The following PTPRD variants were observed in gnomAD, a reference collection of about 807,000 sequenced individuals.
PTPRD encodes the protein receptor-type tyrosine-protein phosphatase delta.
In PTPRD, 34 loss-of-function variants were observed where a neutral mutation model predicts 214.5. That is an observed-to-expected ratio of 0.16 (90% CI 0.12 to 0.21). The LOEUF (loss-of-function observed/expected upper bound fraction) is 0.21. Among genes scored for constraint, PTPRD ranks in the 10% least tolerant of loss-of-function variants. PTPRD has a pLI of 1.00. For synonymous variants in PTPRD, 1,128 were observed against 845.7 expected, an observed-to-expected ratio of 1.33 and a Z score of -5.79; for missense variants, 2,545 against 2,398.7, an observed-to-expected ratio of 1.06 and a Z score of -1.27.
At chr9:10,140,340 A>G (rs2098975134) in intron 3 of PTPRD, among the ~76,000 whole-genome samples, 1 of 151,868 alleles carries the variant, frequency 6.6e-6, no homozygotes, top group South Asian at 2.1e-4. Context: ...AAAAAAATTG[A>G]TAGACCGCTA....
At chr9:10,232,137 G>C (rs1005562298) in intron 3 of PTPRD, among the ~76,000 whole-genome samples, 12 of 151,586 alleles carry the variant, frequency 7.9e-5, no homozygotes, top group Admixed American at 5.9e-4. Context: ...TAGCACCAAA[G>C]CCCTCACCAG....
At chr9:9,509,241 C>T (rs1253160368) in intron 8 of PTPRD, among the ~76,000 whole-genome samples, 2 of 151,266 alleles carry the variant, frequency 1.3e-5, no homozygotes, top group Non-Finnish European at 3.0e-5. Flanking sequence ...GGAAAAAAAC[C>T]CATGTAATTT....
intron 3 of PTPRD, among the ~76,000 whole-genome samples, chr9:10,208,635 A>G (rs547614582): frequency 6.6e-6 from 1 of 152,326 alleles, no homozygotes; most frequent in East Asian, 1.9e-4. Context: ...ACAACTCTAA[A>G]TCCTTGGGAG....
rs569723867 is a variant in PTPRD at position 8,923,415 on chromosome 9, G to A, written c.-104+95282C>T. Among the ~76,000 whole-genome samples, 5 of 151,628 alleles carry A rather than the reference G, an allele frequency of 3.3e-5. No individual in the cohort carries two copies. In the South Asian group the frequency reaches 1.1e-3, roughly 32 times the overall value. ...GCAATAAAACGAGTCATACCAAAAA[G>A]CTACATTCCTGTCTCCTAAGCCCCA... is the stretch of plus-strand genomic sequence containing the variant. On this transcript the variant is annotated intron_variant, in intron 11 of 45. Transcript: ENST00000381196.
chr9:10,127,399 A>G (rs1026646964), intron 3 of PTPRD, among the ~76,000 whole-genome samples: 2 of 152,218 alleles, frequency 1.3e-5, no homozygotes, highest in African/African-American at 4.8e-5. Flanking sequence ...AATTGAATTA[A>G]TATTCTTTAG....
intron 10 of PTPRD, among the ~76,000 whole-genome samples, chr9:9,158,888 G>T (rs1167815391): frequency 6.6e-6 from 1 of 152,074 alleles, no homozygotes; most frequent in Admixed American, 6.6e-5. Flanking sequence ...TCCTTGGGAC[G>T]CAAGTATGGT....
intron 14 of PTPRD, among the ~76,000 whole-genome samples, chr9:8,548,676 A>ATTTTTTTT (rs71317369): frequency 2.4e-5 from 1 of 41,080 alleles, no homozygotes; most frequent in Non-Finnish European, 4.4e-5. Context: ...CTGGAGCTGG[A>ATTTTTTTT]TTTTTTTTTT....
chr9:10,352,965 T>C (rs1018158145), intron 2 of PTPRD, among the ~76,000 whole-genome samples: 4 of 151,950 alleles, frequency 2.6e-5, no homozygotes, highest in Non-Finnish European at 5.9e-5. Flanking sequence ...TCAACAGTTT[T>C]TGGTTGAGTG....
Position 9,466,621 on chromosome 9 carries a change from G to C in PTPRD, c.-236-69139C>G, listed in dbSNP as rs140527403. Among the ~76,000 whole-genome samples, 733 of 152,218 alleles carry C rather than the reference G, an allele frequency of 4.8e-3. 3 individuals are homozygous for C. Among genetic ancestry groups the C allele is most frequent in the Non-Finnish European group, 8.2e-3 (560 of 67,998 alleles). On this transcript the variant is annotated intron_variant, in intron 8 of 45. Transcript: ENST00000381196. Reference sequence around the variant, plus strand: ...GACCAAGCCTTCCCCATTTCTCCTTGAATGTGTTTAGTAAGACTTAGGGAT... The same window carrying C: ...GACCAAGCCTTCCCCATTTCTCCTTCAATGTGTTTAGTAAGACTTAGGGAT...
At chr9:10,133,898 T>C (rs2098922199) in intron 3 of PTPRD, among the ~76,000 whole-genome samples, 2 of 152,202 alleles carry the variant, frequency 1.3e-5, no homozygotes, top group Non-Finnish European at 2.9e-5. Flanking sequence ...TGAGTTTAAC[T>C]ACTTTTTTCA....
chr9:9,163,559 TC>T (rs1022944608), intron 10 of PTPRD, among the ~76,000 whole-genome samples: 6 of 152,086 alleles, frequency 3.9e-5, no homozygotes, highest in Non-Finnish European at 7.4e-5. Context: ...TGCCATCTCT[TC>T]CTAATTGGCC....
chr9:8,928,061 C>T (rs751303899), intron 11 of PTPRD, among the ~76,000 whole-genome samples: 10 of 151,878 alleles, frequency 6.6e-5, no homozygotes, highest in Non-Finnish European at 1.5e-4. Context: ...TTGTCTTTTC[C>T]TTGTAAATTT....
At chr9:8,489,863 A>G (rs1368579668) in intron 27 of PTPRD, among the ~76,000 whole-genome samples, 1 of 152,204 alleles carries the variant, frequency 6.6e-6, no homozygotes, top group African/African-American at 2.4e-5. Flanking sequence ...TTTACCAACA[A>G]TTCACTTTGT....
At chr9:9,487,417 T>G (rs1301296565) in intron 8 of PTPRD, among the ~76,000 whole-genome samples, 2 of 152,166 alleles carry the variant, frequency 1.3e-5, no homozygotes, top group African/African-American at 4.8e-5. Flanking sequence ...TGCATAGTAT[T>G]CCATGGTGTA....
At chr9:9,475,669 T>C (rs768724759) in intron 8 of PTPRD, among the ~76,000 whole-genome samples, 16 of 152,208 alleles carry the variant, frequency 1.1e-4, no homozygotes, top group Non-Finnish European at 2.2e-4. Flanking sequence ...ACTACAGATG[T>C]CCCTGACTAG....
rs776962647 is a variant in PTPRD at position 8,518,191 on chromosome 9, C to A, written c.1200G>T (p.Gly400=). The A allele has an allele frequency of 6.2e-7, 1 of 1,614,130 alleles. No homozygotes were observed. Among genetic ancestry groups the A allele is most frequent in the Non-Finnish European group, 8.5e-7 (1 of 1,180,010 alleles). Residue 400 remains glycine, a synonymous_variant, in exon 21 of 46, where the codon GGG becomes GGT. Coordinates refer to ENST00000381196, the MANE Select transcript of PTPRD (RefSeq NM_002839.4). The stretch of plus-strand genomic sequence containing the variant: ...GCACAGGTTCGCTGGGAGGCCCCCG[C>A]CCAATGTTATTGACAGCAACAACCC... ...EFRVVAVNNI[G]RGPPSEPVLT...
intron 9 of PTPRD, among the ~76,000 whole-genome samples, chr9:9,291,705 T>C (rs973417186): frequency 6.6e-6 from 1 of 151,204 alleles, no homozygotes; most frequent in African/African-American, 2.4e-5. Context: ...TAAAAATTTA[T>C]TTACTATAAT....
chr9:9,838,355 C>A (rs2057395689), intron 5 of PTPRD, among the ~76,000 whole-genome samples: 8 of 151,980 alleles, frequency 5.3e-5, no homozygotes, highest in Admixed American at 5.2e-4. Context: ...CTGACTTCCA[C>A]AATGGTTGAA....
chr9:8,485,142 C>A lies in PTPRD; in HGVS notation c.3153+85G>T. The A allele has an allele frequency of 4.4e-6, 5 of 1,143,014 alleles. No homozygotes were observed. In the South Asian group the frequency reaches 6.9e-5, roughly 16 times the overall value. 70.8% of individuals were successfully genotyped at this position (1,143,014 alleles called of 1,614,324 possible). A position where few individuals can be genotyped will look rare whatever the true frequency, so the allele number is the denominator to read the frequency against. On this transcript the variant is annotated intron_variant, in intron 29 of 45. Coordinates refer to ENST00000381196, the MANE Select transcript of PTPRD (RefSeq NM_002839.4). ...GGACACGTGGCCAAAACAAAGTGGT[C>A]TGCTTGCTGTGCAAATAACTTACCC...
Sources: gnomAD v4.1 joint callset for allele counts (sites outside exome capture counted in the v4.1 genomes callset) on GRCh38, gnomAD v4.1.1 for gene constraint, MANE v1.5 for transcripts, NCBI Gene and HGNC (gene_info 2026-07-23, HGNC 2026-07-21) for gene names.